The following ADGRV1 variants were observed in gnomAD, a reference collection of about 807,000 sequenced individuals.
ADGRV1 encodes the protein G-protein coupled receptor 98.
ADGRV1 carries 359 observed loss-of-function variants against 596.2 expected under a neutral mutation model. The ratio of observed to expected loss-of-function variants is 0.60; its 90% CI spans 0.55 to 0.66. The LOEUF is 0.66. Ranked by LOEUF, ADGRV1 falls within the 30% of genes least tolerant of loss-of-function variation. ADGRV1 has a pLI of 0.00. For synonymous variants in ADGRV1, 2,681 were observed against 2,679.2 expected, an observed-to-expected ratio of 1.00 and a Z score of -0.02; for missense variants, 7,274 against 7,575.6, an observed-to-expected ratio of 0.96 and a Z score of 1.48.
chr5:90,858,722 T>C (rs1446936972), intron 82 of ADGRV1, among the ~76,000 whole-genome samples: 2 of 152,198 alleles, frequency 1.3e-5, no homozygotes, highest in African/African-American at 2.4e-5. Context: ...TAAACAAATA[T>C]ATTTAGTTCC....
chr5:90,656,487 G>A (rs1435757214), intron 20 of ADGRV1, among the ~76,000 whole-genome samples: 1 of 152,212 alleles, frequency 6.6e-6, no homozygotes, highest in Non-Finnish European at 1.5e-5. Context: ...ATGTGGTTTT[G>A]TGAGAATCAG....
At chr5:90,898,210 A>G (rs967658136) in intron 83 of ADGRV1, among the ~76,000 whole-genome samples, 4 of 152,130 alleles carry the variant, frequency 2.6e-5, no homozygotes, top group African/African-American at 9.7e-5. Flanking sequence ...TTCTTCTGTC[A>G]TGTTTGACTA....
rs1781778405 is a variant in ADGRV1 at position 91,000,666 on chromosome 5, A to ATCTG, written c.18152+15146_18152+15149dup. Among the ~76,000 whole-genome samples, 8 of 98,142 alleles carry ATCTG rather than the reference A, an allele frequency of 8.2e-5. No homozygotes were observed. In the South Asian group the frequency reaches 2.9e-3, roughly 35 times the overall value. 64.4% of individuals were successfully genotyped at this position (98,142 alleles called of 152,430 possible). The stretch of plus-strand genomic sequence containing the variant: ...TCTCCAGAGAAACAGAGCTTACAGG[A>ATCTG]TCTGTGTGTGTGTGTGTGTGTGTGT... On this transcript the variant is annotated intron_variant, in intron 85 of 89. Transcript: ENST00000405460.
chr5:90,778,983 T>G lies in ADGRV1; in HGVS notation c.12968T>G (p.Leu4323Arg). 6.2e-7 allele frequency: 1 copy of G among 1,613,438 alleles called. No homozygotes were observed. Among genetic ancestry groups the G allele is most frequent in the Non-Finnish European group, 8.5e-7 (1 of 1,179,466 alleles). ...LDFVPAAGEL[L>R]FEAGEMRKSL... ...TTTGTTCCTGCAGCAGGGGAGCTCC[T>G]CTTTGAAGCAGGGGAGATGAGGAAA... is the stretch of plus-strand genomic sequence containing the variant. Residue 4323 changes from leucine to arginine, a missense_variant, in exon 64 of 90, where the codon CTC (leucine) becomes CGC (arginine). By Grantham distance (102) the Leu-to-Arg change is moderately radical. Coordinates refer to ENST00000405460, the MANE Select transcript of ADGRV1 (RefSeq NM_032119.4).
chr5:91,055,249 AATAT>A (rs151160703), intron 85 of ADGRV1, among the ~76,000 whole-genome samples: 7 of 147,138 alleles, frequency 4.8e-5, no homozygotes, highest in South Asian at 2.2e-4. Flanking sequence ...TGCTGTTGCA[AATAT>A]ATATATATAT....
intron 78 of ADGRV1, among the ~76,000 whole-genome samples, chr5:90,848,128 A>G (rs941784316): frequency 2.0e-5 from 3 of 152,216 alleles, no homozygotes; most frequent in African/African-American, 7.2e-5. Flanking sequence ...TGAAAAAGGC[A>G]AAAGCTCTTG....
chr5:90,816,530 T>G (rs1423155455), intron 75 of ADGRV1, among the ~76,000 whole-genome samples: 3 of 151,666 alleles, frequency 2.0e-5, no homozygotes, highest in Non-Finnish European at 4.4e-5. Flanking sequence ...CATTTAGCAT[T>G]AGGTATATCT....
chr5:90,987,366 A>G (rs1424737708), intron 85 of ADGRV1, among the ~76,000 whole-genome samples: 2 of 149,718 alleles, frequency 1.3e-5, no homozygotes, highest in Non-Finnish European at 3.0e-5. Flanking sequence ...GCTACCCGGG[A>G]GGCTGCGGCA....
At chr5:90,671,841 G>A (rs1772511970) in intron 21 of ADGRV1, among the ~76,000 whole-genome samples, 1 of 152,024 alleles carries the variant, frequency 6.6e-6, no homozygotes, top group African/African-American at 2.4e-5. Context: ...TTCCACCATA[G>A]AGTTTTAAAG....
At chr5:91,058,540 C>A (rs1221752786) in intron 85 of ADGRV1, among the ~76,000 whole-genome samples, 1 of 149,956 alleles carries the variant, frequency 6.7e-6, no homozygotes, top group East Asian at 2.0e-4. Context: ...AGATAAGAAA[C>A]CCTAAGTTTA....
At chr5:90,848,572 T>A in intron 78 of ADGRV1, 65 bp from the exon 79 acceptor site, 3 of 824,984 alleles carry the variant, frequency 3.6e-6, no homozygotes, top group Non-Finnish European at 5.2e-6. Flanking sequence ...CACATATATG[T>A]ATAGCATATA....
In ADGRV1 at chr5:90,640,755, T is replaced by A. The variant is rs562889976; in HGVS notation, c.2241-1881T>A. ...TTATTTTTCCCTTGCCATTCTAAGT[T>A]TCTCACAGTATTAGTGAGATTTTAG... On this transcript the variant is annotated intron_variant, in intron 11 of 89. Transcript: ENST00000405460. 3.9e-5 allele frequency: 6 copies of A among 152,768 alleles called. No individual in the cohort carries two copies. The South Asian group carries it at 1.2e-3, about 32-fold the overall frequency. The allele number at this position is 152,768 out of a possible 1,614,324, so 9.5% of individuals were successfully genotyped here. A position where few individuals can be genotyped will look rare whatever the true frequency, so the allele number is the denominator to read the frequency against.
At chr5:90,943,748 A>C (rs917173216) in intron 83 of ADGRV1, among the ~76,000 whole-genome samples, 10 of 152,054 alleles carry the variant, frequency 6.6e-5, no homozygotes, top group Admixed American at 6.6e-4. Flanking sequence ...CAGCTGCAAC[A>C]TTCCTACCCC....
rs2460170 is a variant in ADGRV1, at chr5:90,779,223, T to G, written c.13082+126T>G. The G allele has an allele frequency of 0.01, 5,918 of 581,882 alleles. 245 individuals carry two copies. The highest frequency in any genetic ancestry group is 0.097 in the African/African-American group (5,211 of 53,762). 36.0% of individuals were successfully genotyped at this position (581,882 alleles called of 1,614,324 possible). On this transcript the variant is annotated intron_variant, in intron 64 of 89. Coordinates refer to ENST00000405460, the MANE Select transcript of ADGRV1 (RefSeq NM_032119.4). ...TTCCCTACTCTTTCTCAGATTTGTG[T>G]GACATTAGAACAGGACATACAAGGG... is the stretch of plus-strand genomic sequence containing the variant.
At chr5:91,125,244 C>T (rs534908953) in intron 87 of ADGRV1, among the ~76,000 whole-genome samples, 37 of 152,280 alleles carry the variant, frequency 2.4e-4, no homozygotes, top group African/African-American at 7.9e-4. Flanking sequence ...TAAACTTGTA[C>T]GAGAGTCTTT....
chr5:90,935,452 G>C (rs1775598111), intron 83 of ADGRV1, among the ~76,000 whole-genome samples: 1 of 152,132 alleles, frequency 6.6e-6, no homozygotes, highest in Admixed American at 6.5e-5. Context: ...ACCCTGACTG[G>C]TATCAGCTGG....
intron 48 of ADGRV1, among the ~76,000 whole-genome samples, 197 bp from the exon 49 acceptor site, chr5:90,728,472 T>TA (rs1307264288): frequency 6.6e-6 from 1 of 152,216 alleles, no homozygotes; most frequent in Non-Finnish European, 1.5e-5. Flanking sequence ...TGCATAGACA[T>TA]ATATGTGCAC....
In ADGRV1 at chr5:90,716,563, T is replaced by C; in HGVS notation, c.9281T>C (p.Val3094Ala). The C allele has an allele frequency of 6.2e-7, 1 of 1,613,724 alleles. No individual in the cohort carries two copies. The highest frequency in any genetic ancestry group is 8.5e-7 in the Non-Finnish European group (1 of 1,179,684). ...CTAAGAGAGCCAACAGCTCTCTACG[T>C]CCAGGAGAGTGTTGCAGTATTGTAC... ...FFLREPTALYVQESVAVLYIV... is the reference protein window; with the variant it reads ...FFLREPTALYAQESVAVLYIV... The change falls in exon 43 of 90, where the codon GTC (valine) becomes GCC (alanine). Residue 3094 changes from valine to alanine, a missense_variant. Physicochemically the swap from Val to Ala is moderately conservative, Grantham distance 64. This residue lies in a region of ADGRV1 where 3,643 missense variants were observed against 3,809.2 expected (regional missense o/e 0.96). Transcript: ENST00000405460.
intron 59 of ADGRV1, among the ~76,000 whole-genome samples, chr5:90,765,675 T>A (rs1317031673): frequency 6.6e-6 from 1 of 152,042 alleles, no homozygotes; most frequent in Non-Finnish European, 1.5e-5. Flanking sequence ...TACAATAGAT[T>A]ATTGTTACCT....
Sources: allele counts gnomAD v4.1 joint callset (sites outside exome capture counted in the v4.1 genomes callset), GRCh38; gene constraint gnomAD v4.1.1; regional missense constraint gnomAD v4.1.1; transcripts MANE v1.5; gene names NCBI Gene and HGNC (gene_info 2026-07-23, HGNC 2026-07-21).